The following MAP3K3 variants were observed in gnomAD, a reference collection of about 807,000 sequenced individuals.
The protein encoded by MAP3K3 is mitogen-activated protein kinase kinase kinase 3.
A neutral mutation model predicts 80.9 loss-of-function variants in MAP3K3; 12 were observed. That is an observed-to-expected ratio of 0.15 (90% CI 0.10 to 0.24). MAP3K3 has a LOEUF of 0.24. Among genes scored for constraint, MAP3K3 ranks in the 10% least tolerant of loss-of-function variants. MAP3K3 has a pLI of 1.00. For synonymous variants in MAP3K3, 272 were observed against 307.1 expected (o/e 0.89, Z 1.19); for missense variants, 596 against 834.7 (o/e 0.71, Z 3.52).
At chr17:63,681,011 A>G (rs1267138341) in intron 6 of MAP3K3, among the ~76,000 whole-genome samples, 1 of 152,066 alleles carries the variant, frequency 6.6e-6, no homozygotes, top group Non-Finnish European at 1.5e-5. Flanking sequence ...AATGAGGTTA[A>G]TTACTGTGAA....
chr17:63,651,362 A>C (rs1202223760), intron 3 of MAP3K3, among the ~76,000 whole-genome samples: 1 of 152,126 alleles, frequency 6.6e-6, no homozygotes, highest in Non-Finnish European at 1.5e-5. Context: ...AGTCCCAGCT[A>C]CTTGGGAAGC....
chr17:63,669,899 T>C (rs1473753531), intron 6 of MAP3K3, among the ~76,000 whole-genome samples: 1 of 151,732 alleles, frequency 6.6e-6, no homozygotes, highest in Non-Finnish European at 1.5e-5. Flanking sequence ...CCTCAGGAGT[T>C]TGAGACTAGC....
chr17:63,638,797 A>T (rs1266427271), intron 2 of MAP3K3, among the ~76,000 whole-genome samples: 2 of 152,186 alleles, frequency 1.3e-5, no homozygotes, highest in African/African-American at 4.8e-5. Flanking sequence ...CTGTAACCCC[A>T]ACACTTTGGG....
rs1568117514 is a variant in MAP3K3 at position 63,622,739 on chromosome 17, A to T, written c.-21A>T. ...GAGGTGACACTCACGGACCTTAGCC[A>T]CCGCCGCCGCCATCGCCACCATGGG... On this transcript the variant is annotated 5_prime_UTR_variant, in exon 1 of 16. Transcript: ENST00000361733. The T allele has an allele frequency of 3.9e-6, 2 of 516,854 alleles. No homozygotes were observed. The highest frequency in any genetic ancestry group is 7.4e-6 in the Non-Finnish European group (2 of 268,746). 32.0% of individuals were successfully genotyped at this position (516,854 alleles called of 1,614,324 possible). A position where few individuals can be genotyped will look rare whatever the true frequency, so the allele number is the denominator to read the frequency against.
intron 11 of MAP3K3, 113 bp from the exon 12 acceptor site, chr17:63,690,151 T>C: frequency 1.6e-6 from 2 of 1,217,784 alleles, no homozygotes; most frequent in East Asian, 2.3e-5. Context: ...TACTAAGAGA[T>C]GATGGGTGCT....
intron 2 of MAP3K3, among the ~76,000 whole-genome samples, chr17:63,643,074 GA>G (rs111874184): frequency 0.39 from 47,069 of 122,072 alleles, 8,425 homozygotes; most frequent in African/African-American, 0.55. Context: ...TTCTAAAAAT[GA>G]AAAAAAAAAA....
Position 63,681,166 on chromosome 17 carries a change from A to T in MAP3K3, c.503-600A>T, listed in dbSNP as rs368687736. On this transcript the variant is annotated intron_variant, in intron 6 of 15. Coordinates refer to ENST00000361733, the MANE Select transcript of MAP3K3 (RefSeq NM_002401.5). The stretch of plus-strand genomic sequence containing the variant: ...TTACTCATAAGCCAGGAAGTGTGGG[A>T]GTGGGTAGGAATGGAGAAGCCTGCC... Among the ~76,000 whole-genome samples the T allele has an allele frequency of 1.3e-4, 20 of 150,740 alleles. 1 individual carries two copies. The East Asian group carries it at 1.6e-3, about 12-fold the overall frequency.
chr17:63,633,441 T>C (rs943983231), intron 2 of MAP3K3, among the ~76,000 whole-genome samples: 2 of 152,172 alleles, frequency 1.3e-5, no homozygotes, highest in African/African-American at 4.8e-5. Context: ...GAAAAACTAA[T>C]TAATTTGGTA....
intron 3 of MAP3K3, among the ~76,000 whole-genome samples, chr17:63,650,656 T>TAGAGAGAG (rs1491589542): frequency 6.5e-4 from 80 of 122,150 alleles, no homozygotes; most frequent in African/African-American, 2.7e-3. Context: ...CTCTGTCTCT[T>TAGAGAGAG]ATAGAGAGAG....
chr17:63,654,368 G>A (rs1164778102), intron 4 of MAP3K3, among the ~76,000 whole-genome samples: 3 of 139,944 alleles, frequency 2.1e-5, no homozygotes, highest in African/African-American at 2.7e-5. Flanking sequence ...TGTTTTCAAC[G>A]GTCATCTGTG....
At chr17:63,653,229 T>C (rs772142006) in intron 4 of MAP3K3, among the ~76,000 whole-genome samples, 1 of 152,240 alleles carries the variant, frequency 6.6e-6, no homozygotes, top group Non-Finnish European at 1.5e-5. Context: ...AGGAATTCTT[T>C]TGAATGTCAG....
chr17:63,663,500 CAAA>C (rs201343358), intron 5 of MAP3K3, among the ~76,000 whole-genome samples: 1 of 94,250 alleles, frequency 1.1e-5, no homozygotes, highest in Non-Finnish European at 2.3e-5. Flanking sequence ...AACTCCGTCT[CAAA>C]AAAAAAAAAA....
chr17:63,669,128 C>A (rs1181867481), intron 6 of MAP3K3, among the ~76,000 whole-genome samples: 1 of 152,090 alleles, frequency 6.6e-6, no homozygotes, highest in Non-Finnish European at 1.5e-5. Flanking sequence ...GTGAGCGTTT[C>A]CATAGAGCCA....
At position 63,632,558 on chromosome 17, in the gene MAP3K3, A is replaced by G. The variant is rs1036905828; in HGVS notation, c.5-123A>G. 6.6e-6 allele frequency: 7 copies of G among 1,066,366 alleles called. No individual in the cohort carries two copies. In the African/African-American group the frequency reaches 9.7e-5, roughly 15 times the overall value. The allele number at this position is 1,066,366 out of a possible 1,614,324, so 66.1% of individuals were successfully genotyped here. On this transcript the variant is annotated intron_variant, in intron 1 of 15. Transcript: ENST00000361733. The stretch of plus-strand genomic sequence containing the variant: ...CTGACCTTTTGGGCTGCATCTGATT[A>G]TAGTTACAGGGTCTGTCATTTTACC...
At chr17:63,626,291 A>G (rs1206495026) in intron 1 of MAP3K3, among the ~76,000 whole-genome samples, 1 of 152,206 alleles carries the variant, frequency 6.6e-6, no homozygotes, top group Admixed American at 6.5e-5. Flanking sequence ...CCTGTCCTCA[A>G]GAAGTTACAG....
chr17:63,691,191 C>T lies in MAP3K3; in HGVS notation c.1302C>T (p.Arg434=), dbSNP rs753174076. ...AGTACTATGGCTGTCTGCGGGACCG[C>T]GCTGAGAAGACCCTGACCATCTTCA... The part of the protein sequence containing the change: ...IVQYYGCLRD[R]AEKTLTIFME... The change falls in exon 13 of 16, where the codon CGC becomes CGT. Residue 434 remains arginine (R), a synonymous_variant. Coordinates refer to ENST00000361733, the MANE Select transcript of MAP3K3 (RefSeq NM_002401.5). The surrounding 1 kb of genome is among the most constrained non-coding windows in gnomAD (Gnocchi z 4.8). 10 of 1,614,164 alleles carry T rather than the reference C, an allele frequency of 6.2e-6. No individual in the cohort carries two copies. The highest frequency in any genetic ancestry group is 1.1e-5 in the South Asian group (1 of 91,084).
At chr17:63,675,513 G>C (rs1237977537) in intron 6 of MAP3K3, among the ~76,000 whole-genome samples, 2 of 152,204 alleles carry the variant, frequency 1.3e-5, no homozygotes, top group Non-Finnish European at 2.9e-5. Flanking sequence ...AGAGTACAAA[G>C]CAAAAGAACC....
At chr17:63,688,503 G>A in intron 8 of MAP3K3, 24 bp from the exon 9 acceptor site, 5 of 1,608,608 alleles carry the variant, frequency 3.1e-6, no homozygotes, top group Non-Finnish European at 2.6e-6. Context: ...GCGGGAGTCT[G>A]TTTTTTCTTT....
Position 63,634,925 on chromosome 17 carries a change from C to T in MAP3K3, c.126+2123C>T, listed in dbSNP as rs555343606. On this transcript the variant is annotated intron_variant, in intron 2 of 15. Transcript: ENST00000361733. ...GGATTTGTAAAAAGCATTGGTTACC[C>T]GTGACCTGTGTTCAGTGCTTCTAGT... 27 of 832,586 alleles carry T rather than the reference C, an allele frequency of 3.2e-5. No individual in the cohort carries two copies. The Middle Eastern group carries it at 1.0e-3, about 32-fold the overall frequency. The allele number at this position is 832,586 out of a possible 1,614,324, so 51.6% of individuals were successfully genotyped here. A position where few individuals can be genotyped will look rare whatever the true frequency, so the allele number is the denominator to read the frequency against.
Sources: gnomAD v4.1 joint callset for allele counts (sites outside exome capture counted in the v4.1 genomes callset) on GRCh38, gnomAD v4.1.1 for gene constraint, Gnocchi (gnomAD v3.1) non-coding constraint, MANE v1.5 for transcripts, NCBI Gene and HGNC (gene_info 2026-07-23, HGNC 2026-07-21) for gene names.